The following PGBD1 variants were observed in gnomAD, a reference collection of about 807,000 sequenced individuals.
PGBD1 encodes piggyBac transposable element-derived protein 1.
In PGBD1, 25 loss-of-function variants were observed where a neutral mutation model predicts 34.7. That is an observed-to-expected ratio of 0.72 (90% confidence interval 0.52 to 1.00). The LOEUF (loss-of-function observed/expected upper bound fraction) is 1.00. Among genes scored for constraint, PGBD1 ranks in the 50% least tolerant of loss-of-function variants. The probability of loss-of-function intolerance (pLI) is 0.00; values close to 1 mark genes in which losing one functional copy is unlikely to be tolerated. For synonymous variants in PGBD1, 292 were observed against 335.7 expected, an observed-to-expected ratio of 0.87 and a Z score of 1.42; for missense variants, 830 against 959.4, an observed-to-expected ratio of 0.87 and a Z score of 1.78.
Position 28,296,888 on chromosome 6 carries a change from C to G in PGBD1, c.715C>G (p.Arg239Gly). Residue 239 changes from arginine to glycine, a missense_variant, in exon 5 of 7, where the codon CGG becomes GGG. Physicochemically the swap from Arg to Gly is moderately radical, Grantham distance 125. This residue lies in a region of PGBD1 where 457 missense variants were observed against 515.4 expected (regional missense o/e 0.89). Coordinates refer to ENST00000682144, the MANE Select transcript of PGBD1 (RefSeq NM_032507.4). Reference sequence around the variant, plus strand: ...GAAGTGGTCACATCTGAGTCTGACTCGGAGGAACCTCTGTGGGAACTCAGC... The same window carrying G: ...GAAGTGGTCACATCTGAGTCTGACTGGGAGGAACCTCTGTGGGAACTCAGC... ...AEKWSHLSLT[R>G]RNLCGNSAQE... The G allele has an allele frequency of 1.2e-6, 2 of 1,614,148 alleles. No individual in the cohort carries two copies. The highest frequency in any genetic ancestry group is 2.2e-5 in the South Asian group (2 of 91,086).
chr6:28,301,090 C>T lies in PGBD1; in HGVS notation c.1236C>T (p.Leu412=). Residue 412 remains leucine, a synonymous_variant, in exon 7 of 7, where the codon CTC becomes CTT. Transcript: ENST00000682144. ...WSALDSGLLN[L]KSEKLNPVEL... ...CACTGGATTCTGGACTTTTGAATCT[C>T]AAGAGCGAAAAGTTGAACCCAGTAG... 1 of 1,614,160 alleles carries T rather than the reference C, an allele frequency of 6.2e-7. No individual in the cohort carries two copies. The highest frequency in any genetic ancestry group is 8.5e-7 in the Non-Finnish European group (1 of 1,180,032).
At chr6:28,291,605 G>T (rs1405573336) in intron 4 of PGBD1, among the ~76,000 whole-genome samples, 1 of 149,424 alleles carries the variant, frequency 6.7e-6, no homozygotes, top group African/African-American at 2.5e-5. Flanking sequence ...CATTCTAGGA[G>T]GCCAGCATTG....
rs777040206 is a variant in PGBD1 at position 28,301,684 on chromosome 6, C to T, written c.1830C>T (p.Phe610=). 33 of 1,614,060 alleles carry T rather than the reference C, an allele frequency of 2.0e-5. No individual in the cohort carries two copies. The South Asian group carries it at 2.7e-4, about 13-fold the overall frequency. Residue 610 remains phenylalanine, a synonymous_variant, in exon 7 of 7, where the codon TTC becomes TTT. Coordinates refer to ENST00000682144, the MANE Select transcript of PGBD1 (RefSeq NM_032507.4). The stretch of plus-strand genomic sequence containing the variant: ...TAGGTGGAAATCTAGTGATGAACTT[C>T]GCTGATGTTCTTTTAGAGAGAGGTC... ...LGLGGNLVMN[F]ADVLLERGQY...
chr6:28,285,207 G>A (rs1057143141), intron 2 of PGBD1, among the ~76,000 whole-genome samples: 11 of 152,162 alleles, frequency 7.2e-5, no homozygotes, highest in African/African-American at 2.4e-4. Context: ...TTCTCAGTGC[G>A]TTACTTCAGG....
chr6:28,300,612 T>A lies in PGBD1; in HGVS notation c.870-112T>A. On this transcript the variant is annotated intron_variant, in intron 6 of 6. Transcript: ENST00000682144. The surrounding 1 kb of genome is among the most constrained non-coding windows in gnomAD (Gnocchi z 4.0). ...TGGAAACTTAAGAGAAATAAGTAAG[T>A]ATCCCCCCACACCCACCCCAAGCCC... 1 of 1,231,852 alleles carries A rather than the reference T, an allele frequency of 8.1e-7. No homozygotes were observed. The highest frequency in any genetic ancestry group is 1.1e-6 in the Non-Finnish European group (1 of 900,692). The allele number at this position is 1,231,852 out of a possible 1,614,324, so 76.3% of individuals were successfully genotyped here.
At chr6:28,288,704 G>T (rs1762361175) in intron 4 of PGBD1, among the ~76,000 whole-genome samples, 1 of 151,774 alleles carries the variant, frequency 6.6e-6, no homozygotes, top group African/African-American at 2.4e-5. Flanking sequence ...TAAAAAAAAA[G>T]AATAGGCCAG....
chr6:28,283,441 CTG>C (rs1762186872), intron 1 of PGBD1, among the ~76,000 whole-genome samples: 1 of 152,198 alleles, frequency 6.6e-6, no homozygotes, highest in African/African-American at 2.4e-5. Flanking sequence ...ACCTTTGAGA[CTG>C]TATTATTTGT....
At chr6:28,296,447 CT>C (rs1762634975) in intron 4 of PGBD1, among the ~76,000 whole-genome samples, 2 of 152,170 alleles carry the variant, frequency 1.3e-5, no homozygotes, top group Non-Finnish European at 2.9e-5. Flanking sequence ...GAATTACTGA[CT>C]TTTTTTCAGT....
chr6:28,297,845 T>TAAAATTAAAAAA, intron 5 of PGBD1, 50 bp from the exon 6 acceptor site: 5 of 283,634 alleles, frequency 1.8e-5, no homozygotes, highest in Non-Finnish European at 2.7e-5. Context: ...TTTTTTTTTT[T>TAAAATTAAAAAA]CAAAATTCAC....
At chr6:28,298,975 G>C (rs1012556506) in intron 6 of PGBD1, among the ~76,000 whole-genome samples, 4 of 152,142 alleles carry the variant, frequency 2.6e-5, no homozygotes. Context: ...TTTCCTTATT[G>C]ACATTTGTTT....
Position 28,284,002 on chromosome 6 carries a change from C to G in PGBD1, c.189C>G (p.Ala63=), listed in dbSNP as rs756696081. ...CTCACGGACCCCAGGAAGCTCTGGC[C>G]CAACTCCGAGAACTTTGTCATCAAT... ...QEAHGPQEAL[A]QLRELCHQWL... Residue 63 remains alanine (A), a synonymous_variant, in exon 2 of 7, where the codon GCC becomes GCG. Transcript: ENST00000682144. 20 of 1,614,026 alleles carry G rather than the reference C, an allele frequency of 1.2e-5. No homozygotes were observed. The highest frequency in any genetic ancestry group is 1.7e-5 in the Non-Finnish European group (20 of 1,180,010).
At chr6:28,282,623 A>G (rs1034214816) in intron 1 of PGBD1, among the ~76,000 whole-genome samples, 2 of 152,238 alleles carry the variant, frequency 1.3e-5, no homozygotes, top group African/African-American at 2.4e-5. Flanking sequence ...CTGATTGTGT[A>G]TAGAGGCTGT....
At position 28,281,720 on chromosome 6, in the gene PGBD1, T is replaced by C. The variant is rs753056083; in HGVS notation, c.-237T>C. ...CCTTTCACGAGGTCAGCTACGTCTTTGTTGTGCGCGTTCCTGAACTTTTGG... is the reference window on the plus strand; with the variant it reads ...CCTTTCACGAGGTCAGCTACGTCTTCGTTGTGCGCGTTCCTGAACTTTTGG... On this transcript the variant is annotated 5_prime_UTR_variant, in exon 1 of 7. Transcript: ENST00000682144. 1 of 289,576 alleles carries C rather than the reference T, an allele frequency of 3.5e-6. No individual in the cohort carries two copies. The highest frequency in any genetic ancestry group is 5.6e-5 in the East Asian group (1 of 17,790). 17.9% of individuals were successfully genotyped at this position (289,576 alleles called of 1,614,324 possible). A position where few individuals can be genotyped will look rare whatever the true frequency, so the allele number is the denominator to read the frequency against.
At chr6:28,282,339 A>C (rs199947478) in intron 1 of PGBD1, among the ~76,000 whole-genome samples, 5 of 144,984 alleles carry the variant, frequency 3.4e-5, no homozygotes, top group Non-Finnish European at 6.0e-5. Context: ...TTGAGTGACA[A>C]ACAAATCAGC....
At position 28,301,244 on chromosome 6, in the gene PGBD1, T is replaced by C; in HGVS notation, c.1390T>C (p.Leu464=). The C allele has an allele frequency of 1.2e-6, 2 of 1,614,208 alleles. No individual in the cohort carries two copies. The highest frequency in any genetic ancestry group is 8.5e-7 in the Non-Finnish European group (1 of 1,180,032). Residue 464 remains leucine, a synonymous_variant, in exon 7 of 7, where the codon TTA becomes CTA. Transcript: ENST00000682144. ...VQEMRCVFGV[L]LLSGFMRHPR... is the part of the protein sequence containing the mutation. ...GGAAATGAGGTGTGTGTTTGGTGTCTTACTTTTGAGTGGATTTATGAGGCA... is the reference window on the plus strand; with the variant it reads ...GGAAATGAGGTGTGTGTTTGGTGTCCTACTTTTGAGTGGATTTATGAGGCA...
chr6:28,285,072 C>T (rs980486385), intron 2 of PGBD1, among the ~76,000 whole-genome samples: 16 of 152,150 alleles, frequency 1.1e-4, no homozygotes, highest in African/African-American at 3.6e-4. Flanking sequence ...TTTGTCATGA[C>T]GTTGTTATTT....
chr6:28,285,242 A>G (rs1477771650), intron 2 of PGBD1, among the ~76,000 whole-genome samples: 1 of 152,148 alleles, frequency 6.6e-6, no homozygotes, highest in Non-Finnish European at 1.5e-5. Context: ...GATTTGTCCC[A>G]TTACTGATGA....
chr6:28,298,762 A>C (rs1328605800), intron 6 of PGBD1, among the ~76,000 whole-genome samples: 1 of 152,126 alleles, frequency 6.6e-6, no homozygotes, highest in African/African-American at 2.4e-5. Flanking sequence ...CAAAGCAAGA[A>C]ACTTCTGAAG....
chr6:28,292,234 G>A (rs1057335847), intron 4 of PGBD1, among the ~76,000 whole-genome samples: 1 of 152,220 alleles, frequency 6.6e-6, no homozygotes. Flanking sequence ...AAGTAAAGTT[G>A]CAGGATAAAA....
Sources: allele counts gnomAD v4.1 joint callset (sites outside exome capture counted in the v4.1 genomes callset), GRCh38; gene constraint gnomAD v4.1.1; regional missense constraint gnomAD v4.1.1; non-coding constraint Gnocchi (gnomAD v3.1); transcripts MANE v1.5; gene names NCBI Gene and HGNC (gene_info 2026-07-23, HGNC 2026-07-21).